The following RALGPS1 variants were observed in gnomAD, a reference collection of about 807,000 sequenced individuals.
RALGPS1 encodes the protein ras-specific guanine nucleotide-releasing factor RalGPS1.
A neutral mutation model predicts 78.8 loss-of-function variants in RALGPS1; 19 were observed. That is an observed-to-expected ratio of 0.24 (90% confidence interval 0.17 to 0.35). The LOEUF is 0.35. Among genes scored for constraint, RALGPS1 ranks in the 10% least tolerant of loss-of-function variants. RALGPS1 has a pLI of 1.00. For synonymous variants in RALGPS1, 228 were observed against 256.3 expected, an observed-to-expected ratio of 0.89 and a Z score of 1.06; for missense variants, 454 against 688.3, an observed-to-expected ratio of 0.66 and a Z score of 3.81.
chr9:127,106,089 C>A (rs543477922), intron 8 of RALGPS1, among the ~76,000 whole-genome samples: 7 of 152,302 alleles, frequency 4.6e-5, no homozygotes, highest in African/African-American at 1.7e-4. Context: ...TATTCCTATA[C>A]TATGTATCTG....
At chr9:126,936,933 C>T (rs2036320475) in intron 1 of RALGPS1, among the ~76,000 whole-genome samples, 1 of 151,808 alleles carries the variant, frequency 6.6e-6, no homozygotes, top group African/African-American at 2.4e-5. Context: ...CGAAAACCTC[C>T]ATCTCCCAAA....
At chr9:126,931,746 A>G (rs571585648) in intron 1 of RALGPS1, among the ~76,000 whole-genome samples, 98 of 152,346 alleles carry the variant, frequency 6.4e-4, no homozygotes, top group African/African-American at 2.0e-3. Context: ...ACTGAATTCT[A>G]TGGTTTAAAA....
intron 1 of RALGPS1, among the ~76,000 whole-genome samples, chr9:126,934,601 T>C (rs534301428): frequency 5.5e-4 from 84 of 152,294 alleles, no homozygotes; most frequent in African/African-American, 2.0e-3. Flanking sequence ...AGGGGATGTG[T>C]TAGGGGCTTC....
chr9:127,148,410 C>CA (rs1173859231), intron 8 of RALGPS1, among the ~76,000 whole-genome samples: 1 of 152,244 alleles, frequency 6.6e-6, no homozygotes, highest in Non-Finnish European at 1.5e-5. Flanking sequence ...TGTTTTTTCT[C>CA]ACTGTTGTAT....
chr9:127,072,019 C>G (rs771654289), intron 8 of RALGPS1, among the ~76,000 whole-genome samples: 29 of 152,220 alleles, frequency 1.9e-4, no homozygotes, highest in Non-Finnish European at 3.4e-4. Context: ...AACTATTAAT[C>G]TACTTTGTGT....
At position 126,915,291 on chromosome 9, in the gene RALGPS1, G is replaced by T. The variant is rs1275761820; in HGVS notation, c.-66+316G>T. On this transcript the variant is annotated intron_variant, in intron 1 of 18. Transcript: ENST00000259351. ...GGGCGCGGGGGGCGGGGCCGGGGGGGCAGTTGGGCGGGGCGCCGCGGCTGC... is the reference window on the plus strand; with the variant it reads ...GGGCGCGGGGGGCGGGGCCGGGGGGTCAGTTGGGCGGGGCGCCGCGGCTGC... 2.6e-4 allele frequency among the ~76,000 whole-genome samples: 34 copies of T among 129,066 alleles called. 1 individual carries two copies. The highest frequency in any genetic ancestry group is 9.6e-4 in the African/African-American group (34 of 35,420). 84.7% of individuals were successfully genotyped at this position (129,066 alleles called of 152,430 possible).
At chr9:127,031,664 G>T (rs1175565439) in intron 4 of RALGPS1, among the ~76,000 whole-genome samples, 1 of 152,264 alleles carries the variant, frequency 6.6e-6, no homozygotes, top group Non-Finnish European at 1.5e-5. Context: ...CAGGAAATAA[G>T]TGACATGGTG....
intron 1 of RALGPS1, among the ~76,000 whole-genome samples, chr9:126,934,894 C>T (rs2036120872): frequency 6.6e-6 from 1 of 152,274 alleles, no homozygotes; most frequent in Admixed American, 6.5e-5. Context: ...GCTTCAGACC[C>T]TTAATCAGAA....
chr9:127,179,706 T>G (rs777902976), intron 11 of RALGPS1, among the ~76,000 whole-genome samples: 2 of 152,214 alleles, frequency 1.3e-5, no homozygotes, highest in Non-Finnish European at 2.9e-5. Context: ...CAGCAAAAGC[T>G]GCCAGGGGCA....
At chr9:127,083,779 T>A (rs969337048) in intron 8 of RALGPS1, among the ~76,000 whole-genome samples, 2 of 152,218 alleles carry the variant, frequency 1.3e-5, no homozygotes, top group Admixed American at 1.3e-4. Flanking sequence ...GTGCTAGGCA[T>A]GAAGCAGCCC....
In RALGPS1 at chr9:127,205,059, C is replaced by G. The variant is rs533033859; in HGVS notation, c.1247+5993C>G. On this transcript the variant is annotated intron_variant, in intron 14 of 18. Transcript: ENST00000259351. This position sits in a 1 kb window ranked among gnomAD's most constrained non-coding sequence, Gnocchi z 4.0. ...GCAGAGGACCTCACTGTCCCCCACA[C>G]CTGTGGCTGAGGCCAGGATCCCAGG... Among the ~76,000 whole-genome samples, 1 of 152,248 alleles carries G rather than the reference C, an allele frequency of 6.6e-6. No homozygotes were observed. Among genetic ancestry groups the G allele is most frequent in the South Asian group, 2.1e-4 (1 of 4,832 alleles).
chr9:127,178,717 G>A (rs1038479058), intron 11 of RALGPS1, among the ~76,000 whole-genome samples: 6 of 152,088 alleles, frequency 3.9e-5, no homozygotes, highest in Non-Finnish European at 5.9e-5. Context: ...TTGACATATC[G>A]CCTGTGGCTG....
intron 11 of RALGPS1, among the ~76,000 whole-genome samples, chr9:127,176,517 G>A (rs896790301): frequency 3.3e-5 from 5 of 152,244 alleles, no homozygotes; most frequent in African/African-American, 1.2e-4. Context: ...TGCATCGGGA[G>A]ATAGTGCCAG....
At chr9:127,023,105 A>G (rs1481393838) in intron 4 of RALGPS1, among the ~76,000 whole-genome samples, 1 of 151,990 alleles carries the variant, frequency 6.6e-6, no homozygotes, top group Non-Finnish European at 1.5e-5. Flanking sequence ...AAACACCATC[A>G]TCATCATCAT....
At chr9:126,958,142 A>AAAATAT (rs113413659) in intron 1 of RALGPS1, among the ~76,000 whole-genome samples, 2 of 77,084 alleles carry the variant, frequency 2.6e-5, no homozygotes, top group Admixed American at 1.5e-4. Flanking sequence ...AAAAAAAAAA[A>AAAATAT]ATATATATAT....
chr9:126,992,686 G>A (rs114878252), intron 4 of RALGPS1, among the ~76,000 whole-genome samples: 61 of 152,322 alleles, frequency 4.0e-4, no homozygotes, highest in African/African-American at 1.5e-3. Context: ...TCATAACACA[G>A]TATATCACCT....
intron 8 of RALGPS1, among the ~76,000 whole-genome samples, chr9:127,125,493 C>T (rs1055172712): frequency 3.3e-5 from 5 of 152,216 alleles, no homozygotes; most frequent in Non-Finnish European, 5.9e-5. Context: ...GATGCTACTA[C>T]TCCCAGGGTT....
intron 14 of RALGPS1, among the ~76,000 whole-genome samples, chr9:127,206,995 G>A (rs150559111): frequency 1.3e-3 from 195 of 152,156 alleles, no homozygotes; most frequent in Non-Finnish European, 1.6e-3. Context: ...TCTATAAGGT[G>A]GGGATAATAA....
chr9:126,966,153 G>A (rs570735488), intron 3 of RALGPS1, among the ~76,000 whole-genome samples: 1 of 152,264 alleles, frequency 6.6e-6, no homozygotes, highest in Non-Finnish European at 1.5e-5. Context: ...ACCCTGGAAG[G>A]CTGTACGCTA....
Sources: allele counts gnomAD v4.1 joint callset (sites outside exome capture counted in the v4.1 genomes callset), GRCh38; gene constraint gnomAD v4.1.1; non-coding constraint Gnocchi (gnomAD v3.1); transcripts MANE v1.5; gene names NCBI Gene and HGNC (gene_info 2026-07-23, HGNC 2026-07-21).